SPAG16: variants seen among roughly 807,000 people sequenced by gnomAD.
SPAG16 encodes the protein sperm associated antigen 16.
A neutral mutation model predicts 80.4 loss-of-function variants in SPAG16; 86 were observed. The ratio of observed to expected loss-of-function variants is 1.07; its 90% CI spans 0.90 to 1.28. SPAG16 has a LOEUF of 1.28. SPAG16 is among the 50% of genes most tolerant of loss of function. The pLI is 0.00. For missense variants in SPAG16, 870 were observed against 765.3 expected (o/e 1.14, Z -1.61); for synonymous variants, 294 against 265.9 (o/e 1.11, Z -1.03).
intron 15 of SPAG16, chr2:214,239,060 T>A (rs1336211707): frequency 6.6e-6 from 1 of 152,208 alleles, no homozygotes; most frequent in Non-Finnish European, 1.5e-5. Context: ...AGACAAGGAT[T>A]CACTCTGTTG....
intron 9 of SPAG16, among the ~76,000 whole-genome samples, chr2:213,476,636 C>A (rs976337107): frequency 2.6e-5 from 4 of 152,114 alleles, no homozygotes; most frequent in African/African-American, 9.7e-5. Context: ...TGGATGAACC[C>A]CCAGAAATGT....
rs2045642270 is a variant in SPAG16, at chr2:213,980,290, TGTGTGTATATATATTC to T, written c.1401-33660_1401-33645del. 7.6e-4 allele frequency among the ~76,000 whole-genome samples: 30 copies of T among 39,446 alleles called. 4 individuals are homozygous for T. The highest frequency in any genetic ancestry group is 6.2e-3 in the African/African-American group (30 of 4,820). 25.9% of individuals were successfully genotyped at this position (39,446 alleles called of 152,430 possible). ...ATATTCTCTATATATATAGAATATA[TGTGTGTATATATATTC>T]TCTATATATATAGAATATATGTGTG... On this transcript the variant is annotated intron_variant, in intron 12 of 15. Coordinates refer to ENST00000331683, the MANE Select transcript of SPAG16 (RefSeq NM_024532.5).
intron 1 of SPAG16, among the ~76,000 whole-genome samples, chr2:213,294,603 C>T (rs1177360451): frequency 6.6e-6 from 1 of 152,092 alleles, no homozygotes; most frequent in Non-Finnish European, 1.5e-5. Context: ...TCATGTTTTA[C>T]AATAAAATAC....
intron 9 of SPAG16, among the ~76,000 whole-genome samples, chr2:213,397,458 A>AT (rs1231912893): frequency 1.3e-5 from 2 of 151,918 alleles, no homozygotes; most frequent in African/African-American, 2.4e-5. Context: ...TTGCCCACTC[A>AT]TTGTACCTTT....
At chr2:213,596,160 G>A (rs1486550151) in intron 10 of SPAG16, among the ~76,000 whole-genome samples, 1 of 152,030 alleles carries the variant, frequency 6.6e-6, no homozygotes, top group African/African-American at 2.4e-5. Context: ...ATAAGCAATA[G>A]GCCAGGCACA....
intron 10 of SPAG16, among the ~76,000 whole-genome samples, chr2:213,813,755 A>C (rs904331198): frequency 6.6e-6 from 1 of 152,170 alleles, no homozygotes; most frequent in Non-Finnish European, 1.5e-5. Flanking sequence ...AGTTTTGGAA[A>C]TTTTATGCAA....
intron 12 of SPAG16, among the ~76,000 whole-genome samples, chr2:213,980,484 T>A (rs1575717544): frequency 7.3e-6 from 1 of 136,606 alleles, no homozygotes. Flanking sequence ...TGTATATATA[T>A]AATATATATA....
At chr2:213,376,212 C>G (rs546639907) in intron 9 of SPAG16, among the ~76,000 whole-genome samples, 32 of 151,824 alleles carry the variant, frequency 2.1e-4, no homozygotes, top group Middle Eastern at 3.4e-3. Context: ...TGATTGTCAT[C>G]AGAAACATTT....
chr2:214,124,009 C>A (rs1325573429), intron 14 of SPAG16, among the ~76,000 whole-genome samples: 1 of 151,496 alleles, frequency 6.6e-6, no homozygotes, highest in South Asian at 2.1e-4. Context: ...TTTTTTTAAC[C>A]CTAGAATTCT....
chr2:213,635,996 T>G (rs111902073), intron 10 of SPAG16, among the ~76,000 whole-genome samples: 9,070 of 152,260 alleles, frequency 0.06, 891 homozygotes, highest in African/African-American at 0.2. Flanking sequence ...CATTTGCTTT[T>G]GGGTACTTGG....
intron 14 of SPAG16, among the ~76,000 whole-genome samples, chr2:214,139,221 G>T (rs1165430279): frequency 6.6e-6 from 1 of 151,968 alleles, no homozygotes; most frequent in Non-Finnish European, 1.5e-5. Context: ...AATTTATTTT[G>T]TTCTGGAAAT....
chr2:213,789,518 G>T (rs961043977), intron 10 of SPAG16, among the ~76,000 whole-genome samples: 1 of 151,920 alleles, frequency 6.6e-6, no homozygotes, highest in South Asian at 2.1e-4. Flanking sequence ...TGATTATTTT[G>T]TTGGAGACAT....
At chr2:213,894,915 G>A (rs1330193553) in intron 11 of SPAG16, among the ~76,000 whole-genome samples, 3 of 132,814 alleles carry the variant, frequency 2.3e-5, no homozygotes, top group Admixed American at 1.8e-4. Flanking sequence ...ACTGAACCTA[G>A]GAGGCAGAAG....
intron 10 of SPAG16, among the ~76,000 whole-genome samples, chr2:213,804,305 G>A (rs2071604577): frequency 6.6e-6 from 1 of 152,182 alleles, no homozygotes; most frequent in Non-Finnish European, 1.5e-5. Context: ...GGTTGGGGAG[G>A]TAGGCAGAAG....
intron 5 of SPAG16, among the ~76,000 whole-genome samples, chr2:213,335,457 T>C (rs2064307053): frequency 6.6e-6 from 1 of 152,180 alleles, no homozygotes; most frequent in African/African-American, 2.4e-5. Flanking sequence ...AATTTTTGTT[T>C]TTACAACAGA....
intron 11 of SPAG16, among the ~76,000 whole-genome samples, chr2:213,877,211 G>C (rs2076173993): frequency 6.6e-6 from 1 of 152,022 alleles, no homozygotes; most frequent in Non-Finnish European, 1.5e-5. Flanking sequence ...ACTTATTAAG[G>C]ATATCTTTCC....
At chr2:213,510,636 T>C (rs1410314227) in intron 10 of SPAG16, among the ~76,000 whole-genome samples, 1 of 152,222 alleles carries the variant, frequency 6.6e-6, no homozygotes, top group Non-Finnish European at 1.5e-5. Flanking sequence ...CGCGTTACAC[T>C]GCCTACACTA....
chr2:214,152,936 T>A (rs569409647), intron 15 of SPAG16, among the ~76,000 whole-genome samples: 36 of 152,186 alleles, frequency 2.4e-4, no homozygotes, highest in Admixed American at 1.5e-3. Flanking sequence ...CAGAGCCAGG[T>A]ATACAGGATG....
At chr2:214,401,030 G>T (rs1701678092) in intron 15 of SPAG16, among the ~76,000 whole-genome samples, 1 of 151,996 alleles carries the variant, frequency 6.6e-6, no homozygotes, top group Admixed American at 6.6e-5. Context: ...ACTTAGGTAA[G>T]TTAAATTCGC....
Sources: gnomAD v4.1 joint callset for allele counts (sites outside exome capture counted in the v4.1 genomes callset) on GRCh38, gnomAD v4.1.1 for gene constraint, MANE v1.5 for transcripts, NCBI Gene and HGNC (gene_info 2026-07-23, HGNC 2026-07-21) for gene names.